Variants in KDSR observed in about 807,000 individuals in gnomAD.
KDSR encodes the protein 3-dehydrosphinganine reductase.
KDSR carries 23 observed loss-of-function variants against 41.3 expected under a neutral mutation model. That is an observed-to-expected ratio of 0.56 (90% CI 0.40 to 0.79). The LOEUF (loss-of-function observed/expected upper bound fraction) is 0.79. Among genes scored for constraint, KDSR ranks in the 30% least tolerant of loss-of-function variants. The pLI is 0.00. For missense variants in KDSR, 351 were observed against 416.8 expected (o/e 0.84, Z 1.37); for synonymous variants, 138 against 151.7 (o/e 0.91, Z 0.66).
At chr18:63,332,588 T>G (rs1914036833) in intron 9 of KDSR, among the ~76,000 whole-genome samples, 1 of 152,030 alleles carries the variant, frequency 6.6e-6, no homozygotes, top group South Asian at 2.1e-4. Flanking sequence ...TCCCAGCACT[T>G]TGGGAGGCCG....
chr18:63,332,528 G>T (rs1914034912), intron 9 of KDSR, among the ~76,000 whole-genome samples: 1 of 152,140 alleles, frequency 6.6e-6, no homozygotes, highest in African/African-American at 2.4e-5. Context: ...GAGTCCCCGT[G>T]CATAAGAGAA....
At position 63,357,592 on chromosome 18, in the gene KDSR, A is replaced by ATTTTTT. The variant is rs758193283; in HGVS notation, c.256-2030_256-2029insAAAAAA. The stretch of plus-strand genomic sequence containing the variant: ...CATACATATATATATATATATATAT[A>ATTTTTT]TATTTTTTTTTGAGATGGAGTCTCC... On this transcript the variant is annotated intron_variant, in intron 3 of 9. Coordinates refer to ENST00000645214, the MANE Select transcript of KDSR (RefSeq NM_002035.4). Among the ~76,000 whole-genome samples the ATTTTTT allele has an allele frequency of 8.1e-3, 954 of 117,830 alleles. 11 individuals are homozygous for ATTTTTT. The highest frequency in any genetic ancestry group is 0.024 in the East Asian group (96 of 4,062). 77.3% of individuals were successfully genotyped at this position (117,830 alleles called of 152,430 possible). A position where few individuals can be genotyped will look rare whatever the true frequency, so the allele number is the denominator to read the frequency against.
chr18:63,367,035 G>A lies in KDSR; in HGVS notation c.84C>T (p.Leu28=), dbSNP rs891481835. Residue 28 remains leucine, a synonymous_variant, in exon 1 of 10, where the codon CTC becomes CTT. Coordinates refer to ENST00000645214, the MANE Select transcript of KDSR (RefSeq NM_002035.4). ...MVSPLISPKP[L]ALPGAHVVVT... ...CCACCACATGCGCCCCGGGCAGGGC[G>A]AGGGGCTTGGGGCTGATGAGCGGAG... The A allele has an allele frequency of 1.5e-6, 2 of 1,317,752 alleles. No individual in the cohort carries two copies. The highest frequency in any genetic ancestry group is 2.0e-6 in the Non-Finnish European group (2 of 1,025,086). The allele number at this position is 1,317,752 out of a possible 1,614,324, so 81.6% of individuals were successfully genotyped here. A position where few individuals can be genotyped will look rare whatever the true frequency, so the allele number is the denominator to read the frequency against.
chr18:63,366,561 C>A (rs389798), intron 1 of KDSR: 2,652 of 156,864 alleles, frequency 0.017, 71 homozygotes, highest in African/African-American at 0.06. Flanking sequence ...GACCCCACTT[C>A]CCCGCTGTCT....
chr18:63,339,907 C>T (rs186213319), intron 7 of KDSR, among the ~76,000 whole-genome samples: 25 of 152,130 alleles, frequency 1.6e-4, no homozygotes, highest in Non-Finnish European at 3.1e-4. Flanking sequence ...AAATAAAAAC[C>T]AGATTATATT....
intron 3 of KDSR, among the ~76,000 whole-genome samples, chr18:63,356,789 A>G (rs1914808144): frequency 6.6e-6 from 1 of 152,208 alleles, no homozygotes; most frequent in Non-Finnish European, 1.5e-5. Context: ...TCCTTCGTCT[A>G]TCAGATATTA....
intron 7 of KDSR, among the ~76,000 whole-genome samples, chr18:63,342,154 G>A (rs1459497048): frequency 1.5e-5 from 2 of 133,490 alleles, no homozygotes; most frequent in Non-Finnish European, 3.1e-5. Flanking sequence ...GGGTGACAGA[G>A]CAAGACTCTA....
At chr18:63,347,706 A>G (rs1914551428) in intron 6 of KDSR, among the ~76,000 whole-genome samples, 2 of 152,186 alleles carry the variant, frequency 1.3e-5, no homozygotes, top group South Asian at 4.1e-4. Context: ...GGGTAAGAAA[A>G]GCAGAAAAGG....
chr18:63,355,937 C>G (rs1040249806), intron 3 of KDSR, among the ~76,000 whole-genome samples: 2 of 152,122 alleles, frequency 1.3e-5, no homozygotes, highest in African/African-American at 4.8e-5. Flanking sequence ...TGATTCCTTT[C>G]AAGAAGGAAT....
intron 9 of KDSR, 103 bp from the exon 10 acceptor site, chr18:63,332,004 G>T: frequency 8.4e-7 from 1 of 1,193,938 alleles, no homozygotes. Flanking sequence ...CTTCTAGTCT[G>T]CTCTAAGGAT....
chr18:63,344,597 C>A, intron 6 of KDSR, 104 bp from the exon 7 acceptor site: 1 of 726,916 alleles, frequency 1.4e-6, no homozygotes, highest in Non-Finnish European at 2.4e-6. Context: ...GCGGTGAGAA[C>A]AATGGGGTGA....
intron 1 of KDSR, among the ~76,000 whole-genome samples, chr18:63,363,697 A>C (rs1275224664): frequency 6.6e-6 from 1 of 152,200 alleles, no homozygotes; most frequent in African/African-American, 2.4e-5. Flanking sequence ...AACAGATGAA[A>C]AGAATGGCCA....
chr18:63,341,818 C>T (rs938245096), intron 7 of KDSR, among the ~76,000 whole-genome samples: 9 of 152,108 alleles, frequency 5.9e-5, no homozygotes, highest in African/African-American at 1.9e-4. Flanking sequence ...AATAAATGCT[C>T]ACAGAAATCT....
chr18:63,331,673 A>T lies in KDSR; in HGVS notation c.*109T>A. 9.8e-7 allele frequency: 1 copy of T among 1,022,856 alleles called. No homozygotes were observed. The highest frequency in any genetic ancestry group is 1.4e-6 in the Non-Finnish European group (1 of 691,928). 63.4% of individuals were successfully genotyped at this position (1,022,856 alleles called of 1,614,324 possible). On this transcript the variant is annotated 3_prime_UTR_variant, in exon 10 of 10. Coordinates refer to ENST00000645214, the MANE Select transcript of KDSR (RefSeq NM_002035.4). ...TCCTGAAGAGCACTGGTCCAATCTG[A>T]CGTATTCGAAAACAATACATAAGTG...
intron 3 of KDSR, chr18:63,359,443 C>T (rs751951116): frequency 8.8e-5 from 23 of 262,354 alleles, no homozygotes; most frequent in East Asian, 3.0e-4. Context: ...TTAAATATTC[C>T]TTTCCTCTTA....
At position 63,335,503 on chromosome 18, in the gene KDSR, G is replaced by A. The variant is rs571820778; in HGVS notation, c.778-145C>T. 4.8e-6 allele frequency: 3 copies of A among 620,422 alleles called. No homozygotes were observed. In the African/African-American group the frequency reaches 5.5e-5, roughly 11 times the overall value. 38.4% of individuals were successfully genotyped at this position (620,422 alleles called of 1,614,324 possible). A position where few individuals can be genotyped will look rare whatever the true frequency, so the allele number is the denominator to read the frequency against. ...AAGCATTGATCAGCACTCAGAAATG[G>A]ACGCACGGCCTTGGCAGATGGCAGT... is the stretch of plus-strand genomic sequence containing the variant. On this transcript the variant is annotated intron_variant, in intron 8 of 9. Transcript: ENST00000645214.
rs537299823 is a variant in KDSR, at chr18:63,337,947, AAAC to A, written c.777+850_777+852del. Among the ~76,000 whole-genome samples the A allele has an allele frequency of 9.8e-3, 1,496 of 152,254 alleles. 8 individuals are homozygous for A. The highest frequency in any genetic ancestry group is 0.015 in the Admixed American group (230 of 15,286). On this transcript the variant is annotated intron_variant, in intron 8 of 9. Transcript: ENST00000645214. ...CCGTCTCAAAACAAACAAACAAACA[AAAC>A]AACAACAACAACAAAAAACACCAAA...
chr18:63,362,734 C>T (rs1211530964), intron 2 of KDSR, 45 bp downstream of exon 2: 3 of 1,320,110 alleles, frequency 2.3e-6, no homozygotes, highest in Non-Finnish European at 3.3e-6. Context: ...TGACTAATTT[C>T]AAGTCGAAGA....
In KDSR at chr18:63,331,811, T is replaced by C; in HGVS notation, c.970A>G (p.Lys324Glu). 6.2e-7 allele frequency: 1 copy of C among 1,613,966 alleles called. No individual in the cohort carries two copies. The highest frequency in any genetic ancestry group is 1.1e-5 in the South Asian group (1 of 90,982). The change falls in exon 10 of 10, where the codon AAA (lysine) becomes GAA (glutamate). Residue 324 changes from lysine (K) to glutamate (E), a missense_variant. By Grantham distance (56) the Lys-to-Glu change is moderately conservative. Transcript: ENST00000645214. ...GCAGTTTTGTCTGCATTTTCAGATT[T>C]TTCTCTCTGCATCATGCAGCGACGA... is the stretch of plus-strand genomic sequence containing the variant. ...IVRRCMMQRE[K>E]SENADKTA
Sources: allele counts gnomAD v4.1 joint callset (sites outside exome capture counted in the v4.1 genomes callset), GRCh38; gene constraint gnomAD v4.1.1; transcripts MANE v1.5; gene names NCBI Gene and HGNC (gene_info 2026-07-23, HGNC 2026-07-21).